The following ARHGAP42 variants were observed in gnomAD, a reference collection of about 807,000 sequenced individuals.
The protein encoded by ARHGAP42 is rho GTPase-activating protein 42.
A neutral mutation model predicts 125.0 loss-of-function variants in ARHGAP42; 63 were observed. The observed-to-expected ratio is 0.50, with a 90% CI of 0.41 to 0.62. ARHGAP42 has a LOEUF of 0.62. ARHGAP42 is among the 20% of genes least tolerant of loss of function. The probability of loss-of-function intolerance (pLI) is 0.00; values close to 1 mark genes in which losing one functional copy is unlikely to be tolerated. For synonymous variants in ARHGAP42, 339 were observed against 351.0 expected (o/e 0.97, Z 0.38); for missense variants, 766 against 1,024.2 (o/e 0.75, Z 3.44).
At chr11:100,765,890 A>C (rs1162058520) in intron 1 of ARHGAP42, among the ~76,000 whole-genome samples, 1 of 152,186 alleles carries the variant, frequency 6.6e-6, no homozygotes, top group Non-Finnish European at 1.5e-5. Context: ...TCTGACATAA[A>C]TATATATAGC....
chr11:100,825,822 A>G (rs967687272), intron 3 of ARHGAP42, among the ~76,000 whole-genome samples: 4 of 152,140 alleles, frequency 2.6e-5, no homozygotes, highest in Non-Finnish European at 4.4e-5. Flanking sequence ...TATGACTCCA[A>G]TTTAGGCAGC....
intron 3 of ARHGAP42, among the ~76,000 whole-genome samples, chr11:100,814,910 A>G (rs115221261): frequency 5.2e-4 from 79 of 152,342 alleles, no homozygotes; most frequent in African/African-American, 1.8e-3. Context: ...AGGAGCCTTC[A>G]CATACGGTGT....
At chr11:100,881,827 GTTTT>G (rs1056309679) in intron 4 of ARHGAP42, among the ~76,000 whole-genome samples, 7 of 146,870 alleles carry the variant, frequency 4.8e-5, no homozygotes, top group Non-Finnish European at 7.4e-5. Flanking sequence ...TGTTTTGTTA[GTTTT>G]TGTTTGTTTG....
intron 2 of ARHGAP42, among the ~76,000 whole-genome samples, chr11:100,775,296 T>C (rs914348633): frequency 1.3e-5 from 2 of 152,044 alleles, no homozygotes; most frequent in Non-Finnish European, 1.5e-5. Context: ...GGCTCAGAAA[T>C]TGGTGATGGA....
chr11:100,852,085 T>C (rs1865217042), intron 3 of ARHGAP42, among the ~76,000 whole-genome samples: 1 of 152,176 alleles, frequency 6.6e-6, no homozygotes, highest in Non-Finnish European at 1.5e-5. Context: ...TTCTCTGCTT[T>C]ATTTATGTAC....
At chr11:100,947,867 G>C (rs964144717) in intron 10 of ARHGAP42, among the ~76,000 whole-genome samples, 4 of 151,582 alleles carry the variant, frequency 2.6e-5, no homozygotes, top group African/African-American at 9.7e-5. Context: ...CCTCTCCCTA[G>C]TCTTTGTTTC....
chr11:100,993,397 T>G lies in ARHGAP42; in HGVS notation c.*4596T>G, dbSNP rs868811689. 2 of 167,034 alleles carry G rather than the reference T, an allele frequency of 1.2e-5. No homozygotes were observed. The highest frequency in any genetic ancestry group is 2.9e-5 in the Non-Finnish European group (2 of 68,110). 10.3% of individuals were successfully genotyped at this position (167,034 alleles called of 1,614,324 possible). On this transcript the variant is annotated 3_prime_UTR_variant, in exon 24 of 24. Transcript: ENST00000298815. The stretch of plus-strand genomic sequence containing the variant: ...ATTTTTGAGGCTTTATATCTGCCCG[T>G]GTACCCTCAACTGCCTCCTTTTTGC...
chr11:100,839,334 C>T (rs3758698), intron 3 of ARHGAP42: 43,501 of 151,970 alleles, frequency 0.29, 6,500 homozygotes, highest in East Asian at 0.33. Context: ...ATGACCTGAA[C>T]TTTCTCTGTA....
At chr11:100,741,093 A>C (rs112007576) in intron 1 of ARHGAP42, among the ~76,000 whole-genome samples, 3,959 of 152,258 alleles carry the variant, frequency 0.026, 68 homozygotes, top group Non-Finnish European at 0.031. Flanking sequence ...TGCAGTGGCA[A>C]GATCTCAGCT....
intron 1 of ARHGAP42, among the ~76,000 whole-genome samples, chr11:100,750,211 C>T (rs915167172): frequency 3.9e-5 from 6 of 152,218 alleles, no homozygotes; most frequent in African/African-American, 1.2e-4. Flanking sequence ...TGCAAGGCAA[C>T]GTACTTCTAT....
intron 3 of ARHGAP42, among the ~76,000 whole-genome samples, chr11:100,853,036 AT>A (rs1382343055): frequency 6.6e-6 from 1 of 152,224 alleles, no homozygotes; most frequent in Non-Finnish European, 1.5e-5. Flanking sequence ...GAATGACATA[AT>A]TTAAATATCT....
At chr11:100,764,217 C>A (rs1043613385) in intron 1 of ARHGAP42, among the ~76,000 whole-genome samples, 2 of 151,948 alleles carry the variant, frequency 1.3e-5, no homozygotes, top group African/African-American at 4.8e-5. Flanking sequence ...AAAGTTAAGG[C>A]CTTGCTATGT....
At chr11:100,903,582 A>G (rs1299446079) in intron 4 of ARHGAP42, among the ~76,000 whole-genome samples, 3 of 150,876 alleles carry the variant, frequency 2.0e-5, no homozygotes, top group Middle Eastern at 3.2e-3. Flanking sequence ...CACTCCACAC[A>G]CTGTCTGCCT....
rs186578145 is a variant in ARHGAP42 at position 100,711,481 on chromosome 11, A to G, written c.154+23649A>G. ...GTGATCCTCTTGCCTCAGCCTCCCA[A>G]GTAGCTGGGACTACAGGTGCACACT... On this transcript the variant is annotated intron_variant, in intron 1 of 23. Coordinates refer to ENST00000298815, the MANE Select transcript of ARHGAP42 (RefSeq NM_152432.4). Among the ~76,000 whole-genome samples, 307 of 152,292 alleles carry G rather than the reference A, an allele frequency of 2.0e-3. 2 individuals carry two copies. Among genetic ancestry groups the G allele is most frequent in the African/African-American group, 7.1e-3 (294 of 41,550 alleles).
chr11:100,805,187 C>T (rs79065387), intron 3 of ARHGAP42, among the ~76,000 whole-genome samples: 7,734 of 152,244 alleles, frequency 0.051, 253 homozygotes, highest in East Asian at 0.18. Flanking sequence ...CTCAAAGGCA[C>T]ATAACTAATA....
chr11:100,878,309 T>C (rs778867834), intron 4 of ARHGAP42, among the ~76,000 whole-genome samples: 5 of 151,942 alleles, frequency 3.3e-5, no homozygotes, highest in Non-Finnish European at 7.4e-5. Context: ...CTTCTATTTC[T>C]ATTTCCAGCT....
intron 2 of ARHGAP42, among the ~76,000 whole-genome samples, chr11:100,786,253 A>T (rs1183890549): frequency 6.6e-6 from 1 of 152,208 alleles, no homozygotes; most frequent in East Asian, 1.9e-4. Flanking sequence ...TCATGAGCAC[A>T]CTAAATGTGC....
chr11:100,765,547 A>T (rs1371634419), intron 1 of ARHGAP42, among the ~76,000 whole-genome samples: 2 of 152,152 alleles, frequency 1.3e-5, no homozygotes, highest in African/African-American at 4.8e-5. Flanking sequence ...GGGTTAATTT[A>T]TATTAAATGC....
At chr11:100,875,107 C>CTCTG (rs1384655603) in intron 4 of ARHGAP42, among the ~76,000 whole-genome samples, 176 of 82,336 alleles carry the variant, frequency 2.1e-3, no homozygotes, top group Non-Finnish European at 1.7e-3. Flanking sequence ...CTCTCTCTCT[C>CTCTG]TGTGTGTGTG....
Sources: allele counts gnomAD v4.1 joint callset (sites outside exome capture counted in the v4.1 genomes callset), GRCh38; gene constraint gnomAD v4.1.1; transcripts MANE v1.5; gene names NCBI Gene and HGNC (gene_info 2026-07-23, HGNC 2026-07-21).